The following CNTN3 variants were observed in gnomAD, a reference collection of about 807,000 sequenced individuals.
The protein encoded by CNTN3 is contactin 3.
Under a neutral mutation model 119.1 loss-of-function variants are expected in CNTN3, and 60 were observed. That is an observed-to-expected ratio of 0.50 (90% CI 0.41 to 0.62). The LOEUF is 0.62. Ranked by LOEUF, CNTN3 falls within the 20% of genes least tolerant of loss-of-function variation. CNTN3 has a pLI of 0.00. For missense variants in CNTN3, 1,101 were observed against 1,242.4 expected, an observed-to-expected ratio of 0.89 and a Z score of 1.71; for synonymous variants, 450 against 438.7, an observed-to-expected ratio of 1.03 and a Z score of -0.32.
chr3:74,471,290 C>A (rs1702557247), intron 4 of CNTN3, among the ~76,000 whole-genome samples: 1 of 151,916 alleles, frequency 6.6e-6, no homozygotes, highest in South Asian at 2.1e-4. Context: ...ACGTGTATAC[C>A]TATGTAACAA....
chr3:74,475,165 A>G (rs1446938006), intron 4 of CNTN3, among the ~76,000 whole-genome samples: 3 of 152,204 alleles, frequency 2.0e-5, no homozygotes, highest in Non-Finnish European at 4.4e-5. Context: ...TGCTTAAACA[A>G]AACCTGCTTC....
intron 1 of CNTN3, among the ~76,000 whole-genome samples, chr3:74,555,760 C>T (rs2107167394): frequency 6.6e-6 from 1 of 152,188 alleles, no homozygotes; most frequent in South Asian, 2.1e-4. Context: ...GTGATGATAT[C>T]CCCTTTATCA....
chr3:74,348,918 TA>T lies in CNTN3; in HGVS notation c.1365-12261del, dbSNP rs371516770. ...GCAACACACTGAGACCCCATCTCTA[TA>T]AAAAAAAAATATAAAAATTACCAAG... is the stretch of plus-strand genomic sequence containing the variant. On this transcript the variant is annotated intron_variant, in intron 11 of 22. Coordinates refer to ENST00000263665, the MANE Select transcript of CNTN3 (RefSeq NM_020872.3). Among the ~76,000 whole-genome samples, 579 of 147,506 alleles carry T rather than the reference TA, an allele frequency of 3.9e-3. 2 individuals carry two copies. The highest frequency in any genetic ancestry group is 8.5e-3 in the African/African-American group (342 of 40,228).
At chr3:74,515,855 C>G (rs1223952326) in intron 2 of CNTN3, among the ~76,000 whole-genome samples, 1 of 151,938 alleles carries the variant, frequency 6.6e-6, no homozygotes, top group Non-Finnish European at 1.5e-5. Context: ...GGCTTTTCAC[C>G]TTGAGAACAC....
At chr3:74,380,598 A>G (rs1704590684) in intron 5 of CNTN3, among the ~76,000 whole-genome samples, 1 of 152,204 alleles carries the variant, frequency 6.6e-6, no homozygotes, top group Non-Finnish European at 1.5e-5. Context: ...TCTTTAGTAC[A>G]ACCTAACTAT....
chr3:74,275,589 A>C lies in CNTN3; in HGVS notation c.2705-8211T>G, dbSNP rs1701862942. 2.6e-5 allele frequency among the ~76,000 whole-genome samples: 4 copies of C among 152,156 alleles called. No homozygotes were observed. The South Asian group carries it at 8.3e-4, about 32-fold the overall frequency. On this transcript the variant is annotated intron_variant, in intron 20 of 22. Coordinates refer to ENST00000263665, the MANE Select transcript of CNTN3 (RefSeq NM_020872.3). ...GAAAGATACAGTCTTTTTTCAGACA[A>C]ATCGCCACGACAAGAACTGCTAAAA...
At chr3:74,388,237 C>T (rs1485098110) in intron 5 of CNTN3, among the ~76,000 whole-genome samples, 1 of 152,008 alleles carries the variant, frequency 6.6e-6, no homozygotes, top group Non-Finnish European at 1.5e-5. Context: ...TAAAAATGTA[C>T]ATGAATTTAA....
chr3:74,470,134 C>T (rs1702533437), intron 4 of CNTN3, among the ~76,000 whole-genome samples: 2 of 152,030 alleles, frequency 1.3e-5, no homozygotes, highest in African/African-American at 4.8e-5. Flanking sequence ...AATAGGCAAA[C>T]CCATAATACA....
chr3:74,283,100 C>A (rs895167742), intron 20 of CNTN3, among the ~76,000 whole-genome samples: 2 of 152,056 alleles, frequency 1.3e-5, no homozygotes, highest in Admixed American at 1.3e-4. Context: ...AAGCACAGAG[C>A]AAAATCACAA....
At chr3:74,419,012 G>T (rs1442012163) in intron 5 of CNTN3, among the ~76,000 whole-genome samples, 1 of 151,474 alleles carries the variant, frequency 6.6e-6, no homozygotes, top group Non-Finnish European at 1.5e-5. Context: ...GCCCAGGCTG[G>T]TCTTGAACTC....
intron 1 of CNTN3, among the ~76,000 whole-genome samples, chr3:74,572,093 A>G (rs1349609085): frequency 6.6e-6 from 1 of 152,160 alleles, no homozygotes; most frequent in African/African-American, 2.4e-5. Context: ...ATCATTTTTC[A>G]CCCATCAAAT....
At chr3:74,379,387 C>T (rs1202728808) in intron 5 of CNTN3, among the ~76,000 whole-genome samples, 1 of 152,120 alleles carries the variant, frequency 6.6e-6, no homozygotes, top group Non-Finnish European at 1.5e-5. Context: ...AACTCCTGAC[C>T]TCAGGTGATC....
chr3:74,269,967 G>A (rs76213791), intron 20 of CNTN3, among the ~76,000 whole-genome samples: 3,741 of 152,200 alleles, frequency 0.025, 58 homozygotes, highest in Non-Finnish European at 0.036. Context: ...TAACACTACA[G>A]AACTGTATGT....
intron 1 of CNTN3, among the ~76,000 whole-genome samples, chr3:74,598,764 C>G (rs148692468): frequency 6.6e-4 from 101 of 152,020 alleles, no homozygotes; most frequent in Admixed American, 2.0e-3. Flanking sequence ...TTAATGTGAG[C>G]TTAAATATGA....
At chr3:74,291,550 T>C (rs917691892) in intron 19 of CNTN3, among the ~76,000 whole-genome samples, 2 of 152,100 alleles carry the variant, frequency 1.3e-5, no homozygotes, top group African/African-American at 4.8e-5. Context: ...ACTAAAAATT[T>C]TTTGTATATT....
At chr3:74,601,388 T>A (rs948722542) in intron 1 of CNTN3, among the ~76,000 whole-genome samples, 13 of 152,138 alleles carry the variant, frequency 8.5e-5, no homozygotes, top group African/African-American at 3.1e-4. Context: ...CATTTCCAAA[T>A]ACATATCTGA....
At position 74,363,990 on chromosome 3, in the gene CNTN3, A is replaced by T. The variant is rs954965580; in HGVS notation, c.1213+477T>A. 4.6e-5 allele frequency among the ~76,000 whole-genome samples: 7 copies of T among 152,236 alleles called. No individual in the cohort carries two copies. In the East Asian group the frequency reaches 1.4e-3, roughly 29 times the overall value. The stretch of plus-strand genomic sequence containing the variant: ...ATACCTAAAGTACAAGAAGAAGATC[A>T]TCTATAATTTCAAGCAGTGGAGCCT... On this transcript the variant is annotated intron_variant, in intron 10 of 22. Coordinates refer to ENST00000263665, the MANE Select transcript of CNTN3 (RefSeq NM_020872.3).
At chr3:74,598,370 A>G (rs1704848246) in intron 1 of CNTN3, among the ~76,000 whole-genome samples, 1 of 152,126 alleles carries the variant, frequency 6.6e-6, no homozygotes, top group Non-Finnish European at 1.5e-5. Context: ...AGCCCAAGTC[A>G]AGCTATAGCA....
intron 13 of CNTN3, among the ~76,000 whole-genome samples, chr3:74,304,980 C>T (rs1702529990): frequency 6.6e-6 from 1 of 152,038 alleles, no homozygotes; most frequent in African/African-American, 2.4e-5. Flanking sequence ...TATCTCTCTC[C>T]CACTCTATGA....
Sources: allele counts gnomAD v4.1 joint callset (sites outside exome capture counted in the v4.1 genomes callset), GRCh38; gene constraint gnomAD v4.1.1; transcripts MANE v1.5; gene names NCBI Gene and HGNC (gene_info 2026-07-23, HGNC 2026-07-21).